Variants in JAKMIP2 observed in about 807,000 individuals in gnomAD.
JAKMIP2 encodes janus kinase and microtubule-interacting protein 2.
Under a neutral mutation model 115.0 loss-of-function variants are expected in JAKMIP2, and 25 were observed. The observed-to-expected ratio is 0.22, with a 90% CI of 0.16 to 0.30. The LOEUF is 0.30. JAKMIP2 is among the 10% of genes least tolerant of loss of function. The pLI is 1.00. For missense variants in JAKMIP2, 642 were observed against 957.6 expected, an observed-to-expected ratio of 0.67 and a Z score of 4.35; for synonymous variants, 334 against 343.6, an observed-to-expected ratio of 0.97 and a Z score of 0.31.
At chr5:147,720,578 T>C (rs1339072223) in intron 1 of JAKMIP2, among the ~76,000 whole-genome samples, 1 of 151,990 alleles carries the variant, frequency 6.6e-6, no homozygotes, top group East Asian at 1.9e-4. Flanking sequence ...AAACTTCCCT[T>C]CTCACTTCAT....
At chr5:147,603,555 A>G (rs898328721) in intron 20 of JAKMIP2, among the ~76,000 whole-genome samples, 6 of 152,158 alleles carry the variant, frequency 3.9e-5, no homozygotes, top group African/African-American at 1.4e-4. Context: ...TTTTTACTAG[A>G]CTTAAGGGTG....
intron 1 of JAKMIP2, among the ~76,000 whole-genome samples, chr5:147,710,462 TA>T (rs1323669251): frequency 9.2e-5 from 14 of 152,176 alleles, no homozygotes; most frequent in Non-Finnish European, 1.2e-4. Context: ...AGCACAGGCT[TA>T]AAATCAGTAG....
chr5:147,647,797 C>T (rs1581350155), intron 5 of JAKMIP2, among the ~76,000 whole-genome samples: 1 of 152,230 alleles, frequency 6.6e-6, no homozygotes, highest in South Asian at 2.1e-4. Flanking sequence ...AGTAATTCTA[C>T]TCCTCTGCAT....
intron 1 of JAKMIP2, among the ~76,000 whole-genome samples, chr5:147,768,395 T>C (rs868321764): frequency 7.2e-5 from 11 of 152,192 alleles, no homozygotes; most frequent in Non-Finnish European, 1.3e-4. Context: ...AACTTAATTC[T>C]TCATTGTATT....
rs1321994144 is a variant in JAKMIP2, at chr5:147,589,760, T to A, written c.*1947A>T. The A allele has an allele frequency of 1.3e-5, 2 of 152,206 alleles. No homozygotes were observed. The highest frequency in any genetic ancestry group is 2.9e-5 in the Non-Finnish European group (2 of 68,040). 9.4% of individuals were successfully genotyped at this position (152,206 alleles called of 1,614,324 possible). A position where few individuals can be genotyped will look rare whatever the true frequency, so the allele number is the denominator to read the frequency against. ...AAGATCCTGGTTTTGAATCTCTCAA[T>A]TTTTATTGCTAATAATGTCCCAAGT... is the stretch of plus-strand genomic sequence containing the variant. On this transcript the variant is annotated 3_prime_UTR_variant, in exon 22 of 22. Coordinates refer to ENST00000616793, the MANE Select transcript of JAKMIP2 (RefSeq NM_001270941.2).
At chr5:147,721,612 C>T (rs1032245085) in intron 1 of JAKMIP2, among the ~76,000 whole-genome samples, 1 of 152,166 alleles carries the variant, frequency 6.6e-6, no homozygotes, top group African/African-American at 2.4e-5. Context: ...ACCCGATTTT[C>T]CAGGTGCCGT....
intron 20 of JAKMIP2, among the ~76,000 whole-genome samples, chr5:147,605,225 T>G (rs889310432): frequency 8.4e-5 from 4 of 47,734 alleles, no homozygotes; most frequent in African/African-American, 1.3e-4. Context: ...TTTTTTTTTT[T>G]TTGAGACGGA....
chr5:147,701,752 C>T (rs1752334050), intron 1 of JAKMIP2, among the ~76,000 whole-genome samples: 1 of 152,144 alleles, frequency 6.6e-6, no homozygotes, highest in Admixed American at 6.5e-5. Flanking sequence ...TGTGAGGATG[C>T]AGCAAGTAGG....
intron 3 of JAKMIP2, among the ~76,000 whole-genome samples, chr5:147,659,289 G>T (rs1367760907): frequency 6.6e-6 from 1 of 152,158 alleles, no homozygotes; most frequent in Non-Finnish European, 1.5e-5. Flanking sequence ...GAGGAAGGAG[G>T]TCACCTGGCT....
chr5:147,768,000 C>T (rs1755213127), intron 1 of JAKMIP2, among the ~76,000 whole-genome samples: 1 of 152,118 alleles, frequency 6.6e-6, no homozygotes, highest in Non-Finnish European at 1.5e-5. Context: ...CATGGCCATT[C>T]ATGGCTTGAT....
At chr5:147,605,121 C>A (rs1183663805) in intron 20 of JAKMIP2, among the ~76,000 whole-genome samples, 1 of 151,382 alleles carries the variant, frequency 6.6e-6, no homozygotes, top group African/African-American at 2.4e-5. Flanking sequence ...TGACTGTTTC[C>A]AACTTCATCC....
intron 20 of JAKMIP2, among the ~76,000 whole-genome samples, chr5:147,607,140 C>G (rs879073202): frequency 6.6e-6 from 1 of 152,178 alleles, no homozygotes; most frequent in Non-Finnish European, 1.5e-5. Flanking sequence ...TTGACTTCCT[C>G]TCTTCCTATC....
chr5:147,743,221 G>A (rs1754216658), intron 1 of JAKMIP2, among the ~76,000 whole-genome samples: 2 of 152,168 alleles, frequency 1.3e-5, no homozygotes, highest in Admixed American at 1.3e-4. Context: ...AGCCAAGGCT[G>A]TCTGACCTGA....
intron 1 of JAKMIP2, among the ~76,000 whole-genome samples, chr5:147,748,691 T>C (rs116591259): frequency 0.017 from 2,642 of 152,174 alleles, 95 homozygotes; most frequent in African/African-American, 0.061. Flanking sequence ...ACTGGCCAGG[T>C]AGAGAACCCA....
intron 3 of JAKMIP2, among the ~76,000 whole-genome samples, chr5:147,652,851 C>T (rs1236589172): frequency 1.3e-5 from 2 of 152,166 alleles, no homozygotes; most frequent in East Asian, 1.9e-4. Context: ...TAATGCTCTC[C>T]CTCCCCTTGC....
intron 7 of JAKMIP2, 86 bp downstream of exon 7, chr5:147,643,972 A>T: frequency 8.4e-7 from 1 of 1,186,714 alleles, no homozygotes. Flanking sequence ...CTGGGGTTAA[A>T]CTAAAATTAA....
intron 1 of JAKMIP2, among the ~76,000 whole-genome samples, chr5:147,756,092 C>G (rs1488413733): frequency 1.3e-5 from 2 of 152,068 alleles, no homozygotes; most frequent in South Asian, 4.1e-4. Flanking sequence ...TATTTACATT[C>G]TTTTCAAAAA....
chr5:147,759,403 G>A lies in JAKMIP2; in HGVS notation c.-149+23053C>T, dbSNP rs547104098. Among the ~76,000 whole-genome samples the A allele has an allele frequency of 1.0e-3, 158 of 152,166 alleles. 1 individual carries two copies. The highest frequency in any genetic ancestry group is 3.1e-3 in the African/African-American group (129 of 41,528). The stretch of plus-strand genomic sequence containing the variant: ...TGCAGTCACAAGAAGAAATGTTTAT[G>A]TGAACTCTGATCTAGAGCATTTATG... On this transcript the variant is annotated intron_variant, in intron 1 of 21. Coordinates refer to ENST00000616793, the MANE Select transcript of JAKMIP2 (RefSeq NM_001270941.2).
At chr5:147,689,260 C>A (rs1165050431) in intron 1 of JAKMIP2, among the ~76,000 whole-genome samples, 1 of 152,124 alleles carries the variant, frequency 6.6e-6, no homozygotes, top group Non-Finnish European at 1.5e-5. Context: ...TGTGTGCAGA[C>A]CATGCTGTGC....
Sources: gnomAD v4.1 joint callset for allele counts (sites outside exome capture counted in the v4.1 genomes callset) on GRCh38, gnomAD v4.1.1 for gene constraint, MANE v1.5 for transcripts, NCBI Gene and HGNC (gene_info 2026-07-23, HGNC 2026-07-21) for gene names.